The following ADAR variants were observed in gnomAD, a reference collection of about 807,000 sequenced individuals.
ADAR encodes the protein adenosine deaminase RNA specific, also known as double-stranded RNA-specific adenosine deaminase.
In ADAR, 41 loss-of-function variants were observed where a neutral mutation model predicts 113.2. The ratio of observed to expected loss-of-function variants is 0.36; its 90% CI spans 0.28 to 0.47. The LOEUF is 0.47. Among genes scored for constraint, ADAR ranks in the 20% least tolerant of loss-of-function variants. The pLI, the probability that ADAR is intolerant of heterozygous loss-of-function variation, is 1.00. For missense variants in ADAR, 1,242 were observed against 1,540.9 expected (o/e 0.81, Z 3.25); for synonymous variants, 605 against 572.6 (o/e 1.06, Z -0.81).
intron 2 of ADAR, chr1:154,600,833 A>G (rs931588565): frequency 8.8e-6 from 6 of 678,532 alleles, no homozygotes; most frequent in Non-Finnish European, 1.5e-5. Context: ...CCCCTTGTTC[A>G]GCCAAGATTC....
rs1412215973 is a variant in ADAR at position 154,582,383 on chromosome 1, G to C, written c.*2423C>G. 1.3e-5 allele frequency: 2 copies of C among 152,122 alleles called. No homozygotes were observed. The highest frequency in any genetic ancestry group is 3.9e-4 in the East Asian group (2 of 5,174). The allele number at this position is 152,122 out of a possible 1,614,324, so 9.4% of individuals were successfully genotyped here. A position where few individuals can be genotyped will look rare whatever the true frequency, so the allele number is the denominator to read the frequency against. ...AAATCATTAAAAAGAAGAGTAGGGA[G>C]GGTCACTGCTTATTAAAAACAAAAG... On this transcript the variant is annotated 3_prime_UTR_variant, in exon 15 of 15. Coordinates refer to ENST00000368474, the MANE Select transcript of ADAR (RefSeq NM_001111.5).
chr1:154,606,191 G>A (rs572735144), intron 1 of ADAR, among the ~76,000 whole-genome samples: 15 of 152,164 alleles, frequency 9.9e-5, no homozygotes, highest in African/African-American at 3.1e-4. Context: ...ACAGGCGCAC[G>A]CCACCACACC....
chr1:154,601,544 CTT>C lies in ADAR; in HGVS notation c.1096_1097del (p.Lys366GlufsTer8). 6.2e-7 allele frequency: 1 copy of C among 1,613,156 alleles called. No homozygotes were observed. Among genetic ancestry groups the C allele is most frequent in the Non-Finnish European group, 8.5e-7 (1 of 1,180,036 alleles). On this transcript the variant is annotated frameshift_variant, in exon 2 of 15. Coordinates refer to ENST00000368474, the MANE Select transcript of ADAR (RefSeq NM_001111.5). LOFTEE classifies it high-confidence loss of function. The surrounding 1 kb of genome is among the most constrained non-coding windows in gnomAD (Gnocchi z 4.7). ...TTTCAGGAACACTGTTCGTATTTCT[CTT>C]GATTTGCATCCTCTCTCGCTTCTTG... ...TDKKRERMQI[K>X]RNTNSVPETA...
intron 1 of ADAR, among the ~76,000 whole-genome samples, chr1:154,621,083 C>G (rs1698780214): frequency 1.3e-5 from 2 of 152,150 alleles, no homozygotes; most frequent in African/African-American, 4.8e-5. Context: ...TTAGTTTTGT[C>G]AAGCAAGCTG....
chr1:154,597,827 C>CTTGG lies in ADAR; in HGVS notation c.1931_1934dup (p.Lys645AsnfsTer48). 1 of 1,614,070 alleles carries CTTGG rather than the reference C, an allele frequency of 6.2e-7. No homozygotes were observed. Among genetic ancestry groups the CTTGG allele is most frequent in the African/African-American group, 1.3e-5 (1 of 74,998 alleles). ...CTGGACAGAGGACACGTAGGACATA[C>CTTGG]TTGGGTTCATGGGCAGGGCCTTCTT... is the stretch of plus-strand genomic sequence containing the variant. On this transcript the variant is annotated frameshift_variant and splice_region_variant. Coordinates refer to ENST00000368474, the MANE Select transcript of ADAR (RefSeq NM_001111.5). LOFTEE classifies it high-confidence loss of function.
intron 1 of ADAR, among the ~76,000 whole-genome samples, chr1:154,620,319 T>C (rs540351239): frequency 1.1e-4 from 17 of 152,164 alleles, no homozygotes; most frequent in African/African-American, 2.4e-4. Flanking sequence ...AGGCAGAGAA[T>C]TGCTTGAACC....
At chr1:154,612,330 T>G (rs1698508883), upstream of ADAR, among the ~76,000 whole-genome samples, 1 of 131,742 alleles carries the variant, frequency 7.6e-6, no homozygotes, top group Non-Finnish European at 1.6e-5. Flanking sequence ...TTTTTTTTTT[T>G]TTTTTTTTTT....
intron 6 of ADAR, among the ~76,000 whole-genome samples, chr1:154,595,776 G>A (rs965716975): frequency 1.3e-5 from 2 of 152,192 alleles, no homozygotes; most frequent in Non-Finnish European, 2.9e-5. Flanking sequence ...CTACATTAGT[G>A]TACAGTCATG....
At chr1:154,616,962 A>C (rs1348514160) in intron 1 of ADAR, among the ~76,000 whole-genome samples, 1 of 152,232 alleles carries the variant, frequency 6.6e-6, no homozygotes, top group East Asian at 1.9e-4. Flanking sequence ...GGAGGGCTGA[A>C]CTTTCCAATA....
At chr1:154,600,770 C>A in intron 2 of ADAR, 1 of 531,084 alleles carries the variant, frequency 1.9e-6, no homozygotes, top group Non-Finnish European at 3.4e-6. Flanking sequence ...CCGCGTACGG[C>A]CAAAACCAAT....
intron 2 of ADAR, 62 bp downstream of exon 2, chr1:154,600,979 C>T: frequency 1.2e-6 from 2 of 1,608,644 alleles, no homozygotes; most frequent in South Asian, 2.2e-5. Flanking sequence ...TCAGCCAAGA[C>T]TGCGTCAGGA....
chr1:154,622,722 G>A (rs1387094139), intron 1 of ADAR, among the ~76,000 whole-genome samples: 1 of 152,178 alleles, frequency 6.6e-6, no homozygotes, highest in African/African-American at 2.4e-5. Context: ...TCAAGTTTCA[G>A]ATCTTTACAG....
intron 1 of ADAR, among the ~76,000 whole-genome samples, chr1:154,605,538 A>C (rs1268028611): frequency 6.6e-6 from 1 of 151,556 alleles, no homozygotes; most frequent in African/African-American, 2.4e-5. Context: ...CAATATTCCC[A>C]ACACAGTACT....
chr1:154,597,459 A>C (rs1056579029), intron 4 of ADAR, among the ~76,000 whole-genome samples, 192 bp from the exon 5 acceptor site: 3 of 152,058 alleles, frequency 2.0e-5, no homozygotes, highest in Non-Finnish European at 4.4e-5. Flanking sequence ...CCCTTTCAAC[A>C]TTTAAGCATC....
rs193047653 is a variant in ADAR at position 154,620,693 on chromosome 1, A to G, written c.-871+7162T>C. Among the ~76,000 whole-genome samples, 62 of 152,374 alleles carry G rather than the reference A, an allele frequency of 4.1e-4. 1 individual carries two copies. The highest frequency in any genetic ancestry group is 3.4e-3 in the Admixed American group (52 of 15,304). On this transcript the variant is annotated intron_variant, in intron 1 of 14. Coordinates refer to the ADAR transcript ENST00000368471. ...CAAAACTAATCTAATCTATAGTGAT[A>G]GATATCAGACATCAATAGTGTTGGC...
At chr1:154,599,607 A>G (rs1010505142) in intron 2 of ADAR, among the ~76,000 whole-genome samples, 11 of 152,242 alleles carry the variant, frequency 7.2e-5, no homozygotes, top group African/African-American at 1.2e-4. Flanking sequence ...CTACACCCCT[A>G]GAAACCAGGC....
chr1:154,605,398 G>C (rs867019071), intron 1 of ADAR, among the ~76,000 whole-genome samples: 2 of 78,720 alleles, frequency 2.5e-5, no homozygotes, highest in Non-Finnish European at 3.1e-5. Flanking sequence ...CTCAGCACCT[G>C]TTAAACCATT....
intron 6 of ADAR, among the ~76,000 whole-genome samples, chr1:154,593,890 G>GT (rs35428129): frequency 0.033 from 4,807 of 146,656 alleles, 105 homozygotes; most frequent in Middle Eastern, 0.053. Context: ...TGATTTTTTT[G>GT]TTTTTTTTTT....
upstream of ADAR, among the ~76,000 whole-genome samples, chr1:154,613,002 G>A (rs370362466): frequency 8.6e-5 from 13 of 151,638 alleles, no homozygotes; most frequent in Non-Finnish European, 4.4e-5. Context: ...TAGTAGAGAC[G>A]GCGTTTCACC....
Sources: allele counts gnomAD v4.1 joint callset (sites outside exome capture counted in the v4.1 genomes callset), GRCh38; gene constraint gnomAD v4.1.1; non-coding constraint Gnocchi (gnomAD v3.1); transcripts MANE v1.5; gene names NCBI Gene and HGNC (gene_info 2026-07-23, HGNC 2026-07-21).